Variants in RASAL2 observed in about 807,000 individuals in gnomAD.
RASAL2 encodes the protein RAS protein activator like 2, also known as ras GTPase-activating protein nGAP.
Under a neutral mutation model 128.9 loss-of-function variants are expected in RASAL2, and 58 were observed. The observed-to-expected ratio is 0.45, with a 90% CI of 0.36 to 0.56. The LOEUF is 0.56. Ranked by LOEUF, RASAL2 falls within the 20% of genes least tolerant of loss-of-function variation. RASAL2 has a pLI of 0.00. For synonymous variants in RASAL2, 561 were observed against 580.8 expected, an observed-to-expected ratio of 0.97 and a Z score of 0.49; for missense variants, 1,360 against 1,601.6, an observed-to-expected ratio of 0.85 and a Z score of 2.57.
At chr1:178,403,027 T>C (rs906701915) in intron 4 of RASAL2, among the ~76,000 whole-genome samples, 2 of 152,150 alleles carry the variant, frequency 1.3e-5, no homozygotes, top group African/African-American at 2.4e-5. Context: ...TCATCCTCAA[T>C]ATTCATACTT....
At chr1:178,142,407 C>G (rs1336022013) in intron 1 of RASAL2, among the ~76,000 whole-genome samples, 1 of 152,070 alleles carries the variant, frequency 6.6e-6, no homozygotes, top group African/African-American at 2.4e-5. Flanking sequence ...GTTTTAAGAA[C>G]TTGTTGATAT....
chr1:178,227,207 AC>A (rs1260671179), intron 1 of RASAL2, among the ~76,000 whole-genome samples: 2 of 151,960 alleles, frequency 1.3e-5, no homozygotes, highest in African/African-American at 4.8e-5. Flanking sequence ...AAAAAAAAAA[AC>A]ACCCTATTTA....
Position 178,467,317 on chromosome 1 carries a change from T to G in RASAL2, c.3591-17T>G, listed in dbSNP as rs1479338817. 12 of 1,608,026 alleles carry G rather than the reference T, an allele frequency of 7.5e-6. No homozygotes were observed. Among genetic ancestry groups the G allele is most frequent in the Non-Finnish European group, 1.0e-5 (12 of 1,174,452 alleles). ...TTTCTTTGAAGATGTTGATATTTCC[T>G]TCCTGCCACATTCTAGGCTAATGGC... On this transcript the variant is annotated splice_polypyrimidine_tract_variant and intron_variant, in intron 16 of 17. Coordinates refer to ENST00000367649, the MANE Select transcript of RASAL2 (RefSeq NM_170692.4).
intron 3 of RASAL2, among the ~76,000 whole-genome samples, chr1:178,301,846 A>G (rs1667782023): frequency 6.6e-6 from 1 of 152,206 alleles, no homozygotes; most frequent in Non-Finnish European, 1.5e-5. Flanking sequence ...TTGCAGTGTT[A>G]TAGAAGAGAG....
chr1:178,364,558 T>C (rs140041734), intron 3 of RASAL2, among the ~76,000 whole-genome samples: 29 of 152,338 alleles, frequency 1.9e-4, no homozygotes, highest in African/African-American at 5.8e-4. Flanking sequence ...TCTATTATTA[T>C]TGTTGCTACA....
intron 14 of RASAL2, among the ~76,000 whole-genome samples, chr1:178,460,363 T>C (rs1678097776): frequency 6.6e-6 from 1 of 152,212 alleles, no homozygotes; most frequent in Non-Finnish European, 1.5e-5. Flanking sequence ...TGACTCAGGC[T>C]GGTTGTTTAT....
At chr1:178,420,644 C>CA (rs533965941) in intron 5 of RASAL2, 24 bp downstream of exon 5, 1 of 1,517,760 alleles carries the variant, frequency 6.6e-7, no homozygotes, top group Non-Finnish European at 9.0e-7. Flanking sequence ...TTTCTTAAAA[C>CA]AAAAAAAGCA....
intron 1 of RASAL2, among the ~76,000 whole-genome samples, chr1:178,109,344 C>G (rs1426048431): frequency 1.3e-5 from 2 of 152,072 alleles, no homozygotes; most frequent in East Asian, 3.9e-4. Context: ...TCAAGGAATT[C>G]TCTTGCCTCA....
At chr1:178,373,894 C>T (rs1671853629) in intron 3 of RASAL2, among the ~76,000 whole-genome samples, 1 of 152,058 alleles carries the variant, frequency 6.6e-6, no homozygotes, top group South Asian at 2.1e-4. Context: ...ACGCAAATTT[C>T]CATAAATTAT....
intron 1 of RASAL2, among the ~76,000 whole-genome samples, chr1:178,197,084 T>C (rs1662681683): frequency 6.6e-6 from 1 of 152,054 alleles, no homozygotes; most frequent in African/African-American, 2.4e-5. Flanking sequence ...GAGGCCGAGG[T>C]GGACAGATCA....
intron 1 of RASAL2, among the ~76,000 whole-genome samples, chr1:178,111,389 A>G (rs1266611124): frequency 2.0e-5 from 3 of 152,154 alleles, no homozygotes; most frequent in East Asian, 1.9e-4. Flanking sequence ...GATTACGTGC[A>G]TGAGCCACCA....
intron 14 of RASAL2, among the ~76,000 whole-genome samples, chr1:178,463,148 G>A (rs535091776): frequency 2.0e-3 from 309 of 152,174 alleles, no homozygotes; most frequent in Non-Finnish European, 3.5e-3. Context: ...GGGAGAAAAT[G>A]CCCTTCAATT....
chr1:178,300,210 T>TTAACAGGAAATGCAG, intron 3 of RASAL2, 92 bp downstream of exon 3: 1 of 1,386,740 alleles, frequency 7.2e-7, no homozygotes, highest in Non-Finnish European at 9.7e-7. Context: ...CTGCATTTCC[T>TTAACAGGAAATGCAG]GTTAAGTAAG....
intron 1 of RASAL2, among the ~76,000 whole-genome samples, chr1:178,236,756 C>CTTTTTT (rs549848632): frequency 1.7e-5 from 2 of 118,426 alleles, no homozygotes; most frequent in Non-Finnish European, 3.4e-5. Flanking sequence ...TTGGACACTA[C>CTTTTTT]TTTTTTTTTT....
intron 4 of RASAL2, among the ~76,000 whole-genome samples, chr1:178,404,774 C>T (rs181514366): frequency 2.0e-5 from 3 of 150,680 alleles, no homozygotes; most frequent in South Asian, 2.1e-4. Context: ...CTCCACCTCC[C>T]GGGTTCAAAG....
At chr1:178,195,385 A>C (rs1479874993) in intron 1 of RASAL2, among the ~76,000 whole-genome samples, 1 of 152,238 alleles carries the variant, frequency 6.6e-6, no homozygotes, top group Non-Finnish European at 1.5e-5. Context: ...AATGTGAATT[A>C]GTGTAAGGTT....
At chr1:178,433,746 C>A (rs1268168872) in intron 5 of RASAL2, among the ~76,000 whole-genome samples, 1 of 151,978 alleles carries the variant, frequency 6.6e-6, no homozygotes, top group African/African-American at 2.4e-5. Context: ...AACCCCGTCT[C>A]TACTAAAAAT....
At chr1:178,157,528 C>G (rs1441063548) in intron 1 of RASAL2, among the ~76,000 whole-genome samples, 1 of 152,070 alleles carries the variant, frequency 6.6e-6, no homozygotes, top group Non-Finnish European at 1.5e-5. Context: ...ATTCTAATTC[C>G]CAAGGCTGCA....
At chr1:178,262,182 C>A (rs1249908790) in intron 1 of RASAL2, among the ~76,000 whole-genome samples, 8 of 152,056 alleles carry the variant, frequency 5.3e-5, no homozygotes, top group Admixed American at 5.2e-4. Context: ...AAAACAGTGA[C>A]TAAAAAGAGA....
Sources: gnomAD v4.1 joint callset for allele counts (sites outside exome capture counted in the v4.1 genomes callset) on GRCh38, gnomAD v4.1.1 for gene constraint, MANE v1.5 for transcripts, NCBI Gene and HGNC (gene_info 2026-07-23, HGNC 2026-07-21) for gene names.